The following RYR2 variants were observed in gnomAD, a reference collection of about 807,000 sequenced individuals.
RYR2 encodes the protein cardiac muscle ryanodine receptor-calcium release channel.
Under a neutral mutation model 601.1 loss-of-function variants are expected in RYR2, and 227 were observed. That is an observed-to-expected ratio of 0.38 (90% CI 0.34 to 0.42). The LOEUF is 0.42. RYR2 is among the 10% of genes least tolerant of loss of function. RYR2 has a pLI of 1.00. For synonymous variants in RYR2, 2,223 were observed against 2,175.1 expected (o/e 1.02, Z -0.61); for missense variants, 4,646 against 6,156.5 (o/e 0.75, Z 8.21).
intron 2 of RYR2, 59 bp from the exon 3 acceptor site, chr1:237,330,819 C>A: frequency 7.5e-7 from 1 of 1,326,862 alleles, no homozygotes; most frequent in Non-Finnish European, 1.1e-6. Context: ...CTAAGGTAAG[C>A]TGGGTCTGGA....
chr1:237,563,205 C>T (rs1202865281), intron 27 of RYR2, among the ~76,000 whole-genome samples: 1 of 151,856 alleles, frequency 6.6e-6, no homozygotes, highest in African/African-American at 2.4e-5. Context: ...GCTCGAAGTT[C>T]GAGACCAGCG....
At chr1:237,144,249 A>G (rs1023488374) in intron 1 of RYR2, among the ~76,000 whole-genome samples, 2 of 152,206 alleles carry the variant, frequency 1.3e-5, no homozygotes, top group African/African-American at 4.8e-5. Flanking sequence ...CCCATTATAT[A>G]CATGTTCTCA....
chr1:237,232,309 T>TCAC (rs1319265215), intron 1 of RYR2, among the ~76,000 whole-genome samples: 1 of 152,202 alleles, frequency 6.6e-6, no homozygotes, highest in South Asian at 2.1e-4. Context: ...GTTAAGTTGA[T>TCAC]CACTCATTTC....
chr1:237,335,652 C>T (rs764480832), intron 3 of RYR2, among the ~76,000 whole-genome samples: 4 of 152,030 alleles, frequency 2.6e-5, no homozygotes, highest in African/African-American at 4.8e-5. Flanking sequence ...AGCTTATGGC[C>T]ACTTGACTGG....
At chr1:237,404,075 G>A (rs1458122502) in intron 10 of RYR2, among the ~76,000 whole-genome samples, 1 of 152,094 alleles carries the variant, frequency 6.6e-6, no homozygotes, top group Non-Finnish European at 1.5e-5. Flanking sequence ...GAAACATGGC[G>A]AAACCCCATC....
chr1:237,107,498 A>T lies in RYR2; in HGVS notation c.48+64929A>T, dbSNP rs113582565. On this transcript the variant is annotated intron_variant, in intron 1 of 104. Coordinates refer to ENST00000366574, the MANE Select transcript of RYR2 (RefSeq NM_001035.3). The stretch of plus-strand genomic sequence containing the variant: ...TCGCACCACTGCACTCCAGCCTGGG[A>T]GACAGAGTGAGACTCCATCTCAAAA... Among the ~76,000 whole-genome samples the T allele has an allele frequency of 5.6e-5, 6 of 107,246 alleles. 1 individual carries two copies. The highest frequency in any genetic ancestry group is 1.2e-4 in the Non-Finnish European group (6 of 51,594). 70.4% of individuals were successfully genotyped at this position (107,246 alleles called of 152,430 possible).
rs1484013155 is a variant in RYR2, at chr1:237,793,981, C to T, written c.13897C>T (p.Leu4633Phe). Residue 4633 changes from leucine (L) to phenylalanine (F), a missense_variant, in exon 95 of 105, where the codon CTC becomes TTC. Leu to Phe is a conservative substitution (Grantham distance 22, BLOSUM62 0). Transcript: ENST00000366574. ...EDDIKGQWDR[L>F]VINTQSFPNN... ...TGATATTAAAGGCCAGTGGGATAGA[C>T]TCGTAATCAACACACAGTGAGTAAA... 2 of 1,611,376 alleles carry T rather than the reference C, an allele frequency of 1.2e-6. No individual in the cohort carries two copies. Among genetic ancestry groups the T allele is most frequent in the Non-Finnish European group, 8.5e-7 (1 of 1,177,710 alleles).
chr1:237,183,566 C>T (rs182495169), intron 1 of RYR2, among the ~76,000 whole-genome samples: 5 of 152,178 alleles, frequency 3.3e-5, no homozygotes, highest in African/African-American at 7.2e-5. Flanking sequence ...GGTAATATGA[C>T]GTATTCAGGT....
chr1:237,390,507 TTTA>T (rs1238112183), intron 10 of RYR2, among the ~76,000 whole-genome samples: 1 of 152,136 alleles, frequency 6.6e-6, no homozygotes, highest in African/African-American at 2.4e-5. Flanking sequence ...AATCAACACA[TTTA>T]TTGTTATTAT....
At chr1:237,204,375 T>C (rs1003346915) in intron 1 of RYR2, among the ~76,000 whole-genome samples, 9 of 152,200 alleles carry the variant, frequency 5.9e-5, no homozygotes, top group Non-Finnish European at 1.3e-4. Flanking sequence ...CCCTTTATTG[T>C]TGAGTAGTGT....
intron 56 of RYR2, among the ~76,000 whole-genome samples, chr1:237,662,106 A>G (rs954797809): frequency 6.6e-6 from 1 of 152,138 alleles, no homozygotes; most frequent in African/African-American, 2.4e-5. Flanking sequence ...CACATGCTCC[A>G]TATTTGAAAT....
At chr1:237,578,560 A>G (rs1312896182) in intron 29 of RYR2, among the ~76,000 whole-genome samples, 3 of 152,202 alleles carry the variant, frequency 2.0e-5, no homozygotes, top group South Asian at 2.1e-4. Context: ...ATAAGCCTAC[A>G]CAAGAGAATT....
chr1:237,314,753 G>C (rs181165917), intron 2 of RYR2, among the ~76,000 whole-genome samples: 181 of 152,244 alleles, frequency 1.2e-3, no homozygotes, highest in Admixed American at 4.4e-3. Flanking sequence ...TTGTGTCCTA[G>C]TGCTCTGTCT....
At chr1:237,213,967 C>A (rs1415449497) in intron 1 of RYR2, among the ~76,000 whole-genome samples, 1 of 127,334 alleles carries the variant, frequency 7.9e-6, no homozygotes, top group Non-Finnish European at 1.6e-5. Flanking sequence ...GTCACCCAGG[C>A]TGGAGTGCAG....
chr1:237,672,187 A>C (rs549567698), intron 58 of RYR2, among the ~76,000 whole-genome samples: 50 of 152,342 alleles, frequency 3.3e-4, no homozygotes, highest in Non-Finnish European at 6.8e-4. Flanking sequence ...ATCTAGTTCA[A>C]TGAAGGTCGA....
intron 63 of RYR2, 56 bp from the exon 64 acceptor site, chr1:237,698,906 AAAG>A (rs1234205098): frequency 3.3e-6 from 3 of 914,484 alleles, no homozygotes; most frequent in East Asian, 2.7e-5. Context: ...TATTGGTAGA[AAAG>A]AAGAACATTG....
chr1:237,793,767 A>G (rs1342148956), intron 94 of RYR2, 100 bp from the exon 95 acceptor site: 5 of 879,152 alleles, frequency 5.7e-6, no homozygotes, highest in African/African-American at 1.7e-5. Context: ...AGAAGTACAC[A>G]GGAAATATTT....
Position 237,190,037 on chromosome 1 carries a change from T to G in RYR2, c.49-80460T>G, listed in dbSNP as rs191247360. 6.0e-3 allele frequency among the ~76,000 whole-genome samples: 908 copies of G among 152,058 alleles called. 7 individuals are homozygous for G. The highest frequency in any genetic ancestry group is 0.029 in the South Asian group (141 of 4,808). On this transcript the variant is annotated intron_variant, in intron 1 of 104. Coordinates refer to ENST00000366574, the MANE Select transcript of RYR2 (RefSeq NM_001035.3). ...ATAGGCACCTACCACCACGCCCAGCTAATTTATTTATTTTTTATTTTTATT... is the reference window on the plus strand; with the variant it reads ...ATAGGCACCTACCACCACGCCCAGCGAATTTATTTATTTTTTATTTTTATT...
At chr1:237,757,328 T>C (rs1427714501) in intron 81 of RYR2, among the ~76,000 whole-genome samples, 2 of 152,046 alleles carry the variant, frequency 1.3e-5, no homozygotes, top group African/African-American at 4.8e-5. Context: ...GGGAGAGAAA[T>C]TTTCTTTAAA....
Sources: allele counts gnomAD v4.1 joint callset (sites outside exome capture counted in the v4.1 genomes callset), GRCh38; gene constraint gnomAD v4.1.1; transcripts MANE v1.5; gene names NCBI Gene and HGNC (gene_info 2026-07-23, HGNC 2026-07-21).